Variants in EHF observed in about 807,000 individuals in gnomAD.
The protein encoded by EHF is ETS homologous factor, also known as ESE3 transcription factor.
Under a neutral mutation model 45.1 loss-of-function variants are expected in EHF, and 14 were observed. The ratio of observed to expected loss-of-function variants is 0.31; its 90% CI spans 0.21 to 0.49. EHF has a LOEUF of 0.49. Among genes scored for constraint, EHF ranks in the 20% least tolerant of loss-of-function variants. EHF has a pLI of 0.99. For missense variants in EHF, 282 were observed against 371.4 expected, an observed-to-expected ratio of 0.76 and a Z score of 1.98; for synonymous variants, 136 against 131.8, an observed-to-expected ratio of 1.03 and a Z score of -0.22.
At chr11:34,643,635 A>G (rs1338433459) in intron 2 of EHF, among the ~76,000 whole-genome samples, 2 of 152,202 alleles carry the variant, frequency 1.3e-5, no homozygotes, top group Non-Finnish European at 2.9e-5. Context: ...ACCTCTTTTA[A>G]TTTGGAATCC....
intron 7 of EHF, among the ~76,000 whole-genome samples, chr11:34,657,384 A>C (rs567532259): frequency 6.6e-6 from 1 of 152,332 alleles, no homozygotes; most frequent in East Asian, 1.9e-4. Context: ...ATTCCAAGAA[A>C]TGACTGTTTT....
intron 1 of EHF, among the ~76,000 whole-genome samples, chr11:34,631,780 G>C (rs1476602966): frequency 6.6e-6 from 1 of 152,080 alleles, no homozygotes; most frequent in Non-Finnish European, 1.5e-5. Context: ...CACTTTAGGA[G>C]GTAACCTAGA....
chr11:34,630,926 C>T (rs1254975701), intron 1 of EHF, among the ~76,000 whole-genome samples: 10 of 152,160 alleles, frequency 6.6e-5, no homozygotes, highest in Admixed American at 2.6e-4. Flanking sequence ...GAACCCCCAA[C>T]GGCCCGGAGA....
rs1852232034 is a variant in EHF, at chr11:34,624,847, G to A, written c.-4+3619G>A. Among the ~76,000 whole-genome samples, 13 of 152,332 alleles carry A rather than the reference G, an allele frequency of 8.5e-5. No individual in the cohort carries two copies. The South Asian group carries it at 2.7e-3, about 32-fold the overall frequency. ...GAGCACAGTGCAGGGAAGGCGGGAT[G>A]TGAGGTGGTGTGCTGGACGGCAGTC... On this transcript the variant is annotated intron_variant, in intron 1 of 8. Coordinates refer to ENST00000257831, the MANE Select transcript of EHF (RefSeq NM_012153.6).
Position 34,659,082 on chromosome 11 carries a change from AC to A in EHF, c.*152del. 1.6e-6 allele frequency: 1 copy of A among 611,852 alleles called. No homozygotes were observed. The highest frequency in any genetic ancestry group is 2.8e-6 in the Non-Finnish European group (1 of 362,384). The allele number at this position is 611,852 out of a possible 1,614,324, so 37.9% of individuals were successfully genotyped here. Reference sequence around the variant, plus strand: ...ACTACTTCTAACGGGAAGAAGAAACACTACGGTCGATTAAAAAAATTATTTT... The same window carrying A: ...ACTACTTCTAACGGGAAGAAGAAACATACGGTCGATTAAAAAAATTATTTT... On this transcript the variant is annotated 3_prime_UTR_variant, in exon 9 of 9. Transcript: ENST00000257831.
chr11:34,643,380 A>G (rs896175810), intron 2 of EHF, among the ~76,000 whole-genome samples: 1 of 152,186 alleles, frequency 6.6e-6, no homozygotes, highest in Non-Finnish European at 1.5e-5. Flanking sequence ...CGGGAACCCC[A>G]TACCCCAATT....
At chr11:34,634,218 C>T (rs1853178878) in intron 1 of EHF, among the ~76,000 whole-genome samples, 1 of 151,846 alleles carries the variant, frequency 6.6e-6, no homozygotes, top group South Asian at 2.1e-4. Context: ...TGGGAGTAGT[C>T]CTTTGAAACG....
At chr11:34,631,441 C>T in intron 1 of EHF, 1 of 334,956 alleles carries the variant, frequency 3.0e-6, no homozygotes, top group South Asian at 1.2e-4. Context: ...ATTTGTTTAG[C>T]TCCTTGTGGC....
intron 7 of EHF, among the ~76,000 whole-genome samples, chr11:34,658,261 C>G (rs1446515138): frequency 6.6e-6 from 1 of 152,124 alleles, no homozygotes; most frequent in African/African-American, 2.4e-5. Flanking sequence ...TTAGTCTTGG[C>G]TATGTCACTA....
intron 7 of EHF, 79 bp from the exon 8 acceptor site, chr11:34,658,454 A>G (rs1855859610): frequency 3.2e-6 from 4 of 1,237,328 alleles, no homozygotes; most frequent in Non-Finnish European, 4.5e-6. Context: ...TTGCAGGAAG[A>G]TGACCTAACT....
At chr11:34,639,201 T>C (rs186057962) in intron 1 of EHF, among the ~76,000 whole-genome samples, 38 of 152,086 alleles carry the variant, frequency 2.5e-4, no homozygotes, top group African/African-American at 9.2e-4. Flanking sequence ...TCTCAGATTC[T>C]GAAGTCTCTA....
At chr11:34,630,345 A>G (rs1852760955) in intron 1 of EHF, among the ~76,000 whole-genome samples, 1 of 152,182 alleles carries the variant, frequency 6.6e-6, no homozygotes, top group Non-Finnish European at 1.5e-5. Context: ...AATGGTGCTT[A>G]TATTAGTACT....
At chr11:34,637,001 T>C (rs1049211726) in intron 1 of EHF, among the ~76,000 whole-genome samples, 36 of 145,600 alleles carry the variant, frequency 2.5e-4, no homozygotes, top group Non-Finnish European at 3.3e-4. Flanking sequence ...TGCACTCCAT[T>C]CTGGGCAACA....
At chr11:34,635,101 C>A (rs2134036723) in intron 1 of EHF, among the ~76,000 whole-genome samples, 1 of 152,266 alleles carries the variant, frequency 6.6e-6, no homozygotes, top group African/African-American at 2.4e-5. Flanking sequence ...CAGTGCAGAG[C>A]TGGTACATTT....
At chr11:34,652,415 C>A (rs117899128) in intron 6 of EHF, among the ~76,000 whole-genome samples, 1 of 152,200 alleles carries the variant, frequency 6.6e-6, no homozygotes, top group Non-Finnish European at 1.5e-5. Flanking sequence ...GCAACTGGGG[C>A]TATCCATGCT....
At chr11:34,631,964 C>A (rs1852934076) in intron 1 of EHF, among the ~76,000 whole-genome samples, 1 of 152,172 alleles carries the variant, frequency 6.6e-6, no homozygotes, top group East Asian at 1.9e-4. Context: ...ACCATGGACA[C>A]CCCTGAGTGC....
intron 8 of EHF, 41 bp downstream of exon 8, chr11:34,658,769 A>G (rs753579116): frequency 1.2e-6 from 2 of 1,608,164 alleles, no homozygotes; most frequent in Admixed American, 1.7e-5. Flanking sequence ...AGGCTGTACG[A>G]CCCATTATTT....
chr11:34,641,740 T>C (rs533959932), intron 1 of EHF, among the ~76,000 whole-genome samples: 1 of 152,292 alleles, frequency 6.6e-6, no homozygotes, highest in South Asian at 2.1e-4. Flanking sequence ...GGTGCCCGCT[T>C]GGGAATAGGG....
At position 34,642,610 on chromosome 11, in the gene EHF, T is replaced by C. The variant is rs1195411933; in HGVS notation, c.-3-18T>C. On this transcript the variant is annotated intron_variant, in intron 1 of 8. Transcript: ENST00000257831. ...TCCAAGAGGCACTGACTGAACAGGC[T>C]GTTTGATCCCCTAACAGATCATGAT... 1.3e-6 allele frequency: 2 copies of C among 1,537,846 alleles called. No homozygotes were observed. The highest frequency in any genetic ancestry group is 1.8e-6 in the Non-Finnish European group (2 of 1,110,754).
Sources: gnomAD v4.1 joint callset for allele counts (sites outside exome capture counted in the v4.1 genomes callset) on GRCh38, gnomAD v4.1.1 for gene constraint, MANE v1.5 for transcripts, NCBI Gene and HGNC (gene_info 2026-07-23, HGNC 2026-07-21) for gene names.